Variants in LMBR1 observed in about 807,000 individuals in gnomAD.
LMBR1 encodes limb development membrane protein 1.
LMBR1 carries 52 observed loss-of-function variants against 73.9 expected under a neutral mutation model. The ratio of observed to expected loss-of-function variants is 0.70; its 90% CI spans 0.56 to 0.89. LMBR1 has a LOEUF of 0.89. Among genes scored for constraint, LMBR1 ranks in the 40% least tolerant of loss-of-function variants. The pLI is 0.00. For synonymous variants in LMBR1, 215 were observed against 209.4 expected, an observed-to-expected ratio of 1.03 and a Z score of -0.23; for missense variants, 539 against 579.8, an observed-to-expected ratio of 0.93 and a Z score of 0.72.
At chr7:156,842,672 G>T (rs1267705864) in intron 1 of LMBR1, among the ~76,000 whole-genome samples, 1 of 152,148 alleles carries the variant, frequency 6.6e-6, no homozygotes, top group Non-Finnish European at 1.5e-5. Context: ...TCCAGAAGGA[G>T]TATGTAAATC....
At chr7:156,862,671 T>C (rs1797894887) in intron 1 of LMBR1, among the ~76,000 whole-genome samples, 5 of 152,124 alleles carry the variant, frequency 3.3e-5, no homozygotes, top group Admixed American at 2.6e-4. Context: ...TAGTGGGAAA[T>C]TTCTGTAAAA....
chr7:156,753,550 T>C (rs906720709), intron 9 of LMBR1, among the ~76,000 whole-genome samples: 1 of 151,968 alleles, frequency 6.6e-6, no homozygotes, highest in African/African-American at 2.4e-5. Flanking sequence ...CAGTTCCAAA[T>C]GGCACAAGCA....
chr7:156,892,258 G>A (rs1803146323), intron 1 of LMBR1, among the ~76,000 whole-genome samples: 1 of 152,214 alleles, frequency 6.6e-6, no homozygotes, highest in Non-Finnish European at 1.5e-5. Context: ...ATCCCAAACG[G>A]TAAGGTTTCG....
intron 1 of LMBR1, among the ~76,000 whole-genome samples, chr7:156,848,492 T>A (rs1412657266): frequency 3.9e-5 from 6 of 152,122 alleles, no homozygotes; most frequent in Admixed American, 3.9e-4. Context: ...TCACACCAAG[T>A]CAGAGTGGCT....
chr7:156,710,740 C>A (rs570276457), intron 15 of LMBR1, among the ~76,000 whole-genome samples: 2 of 152,048 alleles, frequency 1.3e-5, no homozygotes, highest in Non-Finnish European at 2.9e-5. Flanking sequence ...AAAGTCAAAA[C>A]GAAGGAAAGA....
At chr7:156,758,179 T>C (rs753609348) in intron 8 of LMBR1, among the ~76,000 whole-genome samples, 3 of 152,098 alleles carry the variant, frequency 2.0e-5, no homozygotes, top group Admixed American at 1.3e-4. Flanking sequence ...CTGGATGCAG[T>C]GGGTTAGGGG....
intron 15 of LMBR1, among the ~76,000 whole-genome samples, chr7:156,708,546 TG>T (rs1811447130): frequency 1.3e-5 from 2 of 152,028 alleles, no homozygotes. Flanking sequence ...CAGGGGACCT[TG>T]GGGAAGGCAG....
intron 7 of LMBR1, 28 bp downstream of exon 7, chr7:156,763,080 C>T (rs922419089): frequency 2.6e-6 from 3 of 1,137,100 alleles, no homozygotes; most frequent in Non-Finnish European, 3.9e-6. Flanking sequence ...CTACTTTTCT[C>T]TTAATATCAA....
At chr7:156,804,990 C>T (rs556476794) in intron 4 of LMBR1, among the ~76,000 whole-genome samples, 36 of 152,144 alleles carry the variant, frequency 2.4e-4, no homozygotes, top group Middle Eastern at 6.8e-3. Flanking sequence ...AGTCGATGAT[C>T]CCTTGAGTTA....
At chr7:156,875,207 C>T (rs1000633217) in intron 1 of LMBR1, among the ~76,000 whole-genome samples, 2 of 152,034 alleles carry the variant, frequency 1.3e-5, no homozygotes, top group Non-Finnish European at 2.9e-5. Context: ...GAACTTCAGA[C>T]CTTGAAGAGA....
At position 156,736,679 on chromosome 7, in the gene LMBR1, T is replaced by C. The variant is rs1231419603; in HGVS notation, c.758-2422A>G. On this transcript the variant is annotated intron_variant, in intron 9 of 16. Coordinates refer to ENST00000353442, the MANE Select transcript of LMBR1 (RefSeq NM_022458.4). ...CTCTTCACTCCTCCCTTTCTCTCAATATGGCCATAATGCTCATTTTAGCTA... is the reference window on the plus strand; with the variant it reads ...CTCTTCACTCCTCCCTTTCTCTCAACATGGCCATAATGCTCATTTTAGCTA... The C allele has an allele frequency of 9.0e-6, 4 of 444,052 alleles. No homozygotes were observed. The East Asian group carries it at 2.1e-4, about 24-fold the overall frequency. The allele number at this position is 444,052 out of a possible 1,614,324, so 27.5% of individuals were successfully genotyped here. A position where few individuals can be genotyped will look rare whatever the true frequency, so the allele number is the denominator to read the frequency against.
intron 1 of LMBR1, among the ~76,000 whole-genome samples, chr7:156,854,225 CA>C (rs1280679044): frequency 6.6e-6 from 1 of 152,132 alleles, no homozygotes; most frequent in African/African-American, 2.4e-5. Context: ...AGTGGAGAGA[CA>C]AAAGCCCTTG....
intron 10 of LMBR1, among the ~76,000 whole-genome samples, chr7:156,733,369 TGTAA>T (rs1487935723): frequency 3.3e-5 from 5 of 152,086 alleles, no homozygotes; most frequent in South Asian, 4.1e-4. Flanking sequence ...ACAAAAACAT[TGTAA>T]GTGTTGTCAT....
chr7:156,675,308 G>A (rs939569984), downstream of LMBR1, among the ~76,000 whole-genome samples: 13 of 152,328 alleles, frequency 8.5e-5, no homozygotes, highest in South Asian at 2.1e-4. Context: ...GGCTCCCTCC[G>A]TCTTTGGAGA....
In LMBR1 at chr7:156,816,069, T is replaced by C. The variant is rs557998942; in HGVS notation, c.319+10536A>G. Among the ~76,000 whole-genome samples the C allele has an allele frequency of 1.7e-4, 26 of 152,162 alleles. No homozygotes were observed. In the South Asian group the frequency reaches 1.9e-3, roughly 11 times the overall value. ...TCTCTAGATGTCAAAGTTAAAAAAATAAAACTTTGCCTTAGGCAATGCTCA... is the reference window on the plus strand; with the variant it reads ...TCTCTAGATGTCAAAGTTAAAAAAACAAAACTTTGCCTTAGGCAATGCTCA... On this transcript the variant is annotated intron_variant, in intron 4 of 16. Transcript: ENST00000353442.
intron 9 of LMBR1, among the ~76,000 whole-genome samples, chr7:156,754,637 T>C (rs557437477): frequency 6.6e-6 from 1 of 152,370 alleles, no homozygotes; most frequent in African/African-American, 2.4e-5. Flanking sequence ...TCTTTACTTT[T>C]GTTTTATAAA....
chr7:156,816,603 T>C (rs1833958037), intron 4 of LMBR1, among the ~76,000 whole-genome samples: 1 of 152,210 alleles, frequency 6.6e-6, no homozygotes, highest in African/African-American at 2.4e-5. Flanking sequence ...ATAAGTTTAT[T>C]AGCCAGAATA....
At chr7:156,824,309 CG>C (rs1324499866) in intron 4 of LMBR1, among the ~76,000 whole-genome samples, 2 of 152,040 alleles carry the variant, frequency 1.3e-5, no homozygotes, top group Admixed American at 1.3e-4. Context: ...CAGAAGCTTA[CG>C]GGATTGCTAA....
At chr7:156,720,235 CA>C (rs1156469894) in intron 15 of LMBR1, among the ~76,000 whole-genome samples, 2 of 152,026 alleles carry the variant, frequency 1.3e-5, no homozygotes, top group South Asian at 2.1e-4. Flanking sequence ...CCAGAATCTA[CA>C]ATGAACTCAA....
Sources: gnomAD v4.1 joint callset for allele counts (sites outside exome capture counted in the v4.1 genomes callset) on GRCh38, gnomAD v4.1.1 for gene constraint, MANE v1.5 for transcripts, NCBI Gene and HGNC (gene_info 2026-07-23, HGNC 2026-07-21) for gene names.